CSMD1: variants seen among roughly 807,000 people sequenced by gnomAD.
CSMD1 encodes CUB and Sushi multiple domains 1.
CSMD1 carries 213 observed loss-of-function variants against 417.5 expected under a neutral mutation model. The observed-to-expected ratio is 0.51, with a 90% confidence interval of 0.46 to 0.57. CSMD1 has a LOEUF of 0.57. Among genes scored for constraint, CSMD1 ranks in the 20% least tolerant of loss-of-function variants. The probability of loss-of-function intolerance (pLI) is 0.00; values close to 1 mark genes in which losing one functional copy is unlikely to be tolerated. For missense variants in CSMD1, 6,923 were observed against 4,529.7 expected (o/e 1.53, Z -15.17); for synonymous variants, 2,862 against 1,736.8 (o/e 1.65, Z -16.11).
intron 2 of CSMD1, among the ~76,000 whole-genome samples, chr8:4,613,878 A>G (rs1029767728): frequency 2.6e-4 from 40 of 151,296 alleles, no homozygotes; most frequent in Non-Finnish European, 5.0e-4. Context: ...AAAAAAAAAG[A>G]AAACGTTCCT....
At chr8:4,117,542 A>T (rs1199002194) in intron 3 of CSMD1, among the ~76,000 whole-genome samples, 1 of 152,142 alleles carries the variant, frequency 6.6e-6, no homozygotes, top group Non-Finnish European at 1.5e-5. Context: ...TATAATACTC[A>T]CTGATTGTGA....
At chr8:3,403,586 G>C (rs1161535) in intron 15 of CSMD1, among the ~76,000 whole-genome samples, 142,880 of 152,180 alleles carry the variant, frequency 0.94, 67,088 homozygotes, top group East Asian at 0.96. Flanking sequence ...CACCCTGCAG[G>C]TTGTAACATA....
At chr8:4,217,405 T>C (rs868339994) in intron 3 of CSMD1, among the ~76,000 whole-genome samples, 32 of 152,158 alleles carry the variant, frequency 2.1e-4, no homozygotes, top group Non-Finnish European at 4.6e-4. Flanking sequence ...AACTCTAATA[T>C]AGTTTGACAC....
chr8:4,027,880 C>A (rs1417454056), intron 4 of CSMD1, among the ~76,000 whole-genome samples: 2 of 152,060 alleles, frequency 1.3e-5, no homozygotes. Flanking sequence ...AGAACAAAGA[C>A]ACAGTAACTT....
At chr8:3,344,989 G>T (rs1431625161) in intron 22 of CSMD1, among the ~76,000 whole-genome samples, 2 of 152,316 alleles carry the variant, frequency 1.3e-5, no homozygotes, top group African/African-American at 4.8e-5. Context: ...GACATCCAGA[G>T]ACTAAATGGT....
chr8:4,459,291 G>A (rs994576578), intron 2 of CSMD1, among the ~76,000 whole-genome samples: 1 of 152,206 alleles, frequency 6.6e-6, no homozygotes, highest in African/African-American at 2.4e-5. Flanking sequence ...TTGTGCACCA[G>A]ATGGCATATA....
intron 42 of CSMD1, among the ~76,000 whole-genome samples, chr8:3,116,912 A>G (rs1436750386): frequency 6.6e-6 from 1 of 152,166 alleles, no homozygotes; most frequent in African/African-American, 2.4e-5. Context: ...AAAGATTTAA[A>G]AAATGTTTTA....
intron 1 of CSMD1, among the ~76,000 whole-genome samples, chr8:4,824,821 A>G (rs1467866258): frequency 1.3e-5 from 2 of 152,162 alleles, no homozygotes; most frequent in Non-Finnish European, 2.9e-5. Flanking sequence ...GACCAGGTAT[A>G]TAGCCTATAT....
intron 6 of CSMD1, among the ~76,000 whole-genome samples, chr8:3,720,047 A>G (rs1308846623): frequency 6.6e-6 from 1 of 152,224 alleles, no homozygotes; most frequent in African/African-American, 2.4e-5. Context: ...GTGGTTACAC[A>G]AAGTGCATGG....
At chr8:4,748,780 G>C (rs1002179192) in intron 1 of CSMD1, among the ~76,000 whole-genome samples, 1 of 152,152 alleles carries the variant, frequency 6.6e-6, no homozygotes, top group East Asian at 1.9e-4. Flanking sequence ...TATTGAATAG[G>C]TATTTAGTAG....
chr8:3,781,859 G>A (rs947739665), intron 5 of CSMD1, among the ~76,000 whole-genome samples: 3 of 151,980 alleles, frequency 2.0e-5, no homozygotes, highest in African/African-American at 7.3e-5. Context: ...TTGTTCAATG[G>A]CATTTTCCCG....
intron 5 of CSMD1, among the ~76,000 whole-genome samples, chr8:3,775,245 T>A (rs913360708): frequency 6.6e-6 from 1 of 152,186 alleles, no homozygotes. Flanking sequence ...TAGAAATGAA[T>A]TGTATGTTAA....
intron 3 of CSMD1, among the ~76,000 whole-genome samples, chr8:4,138,845 A>C (rs73176386): frequency 6.6e-6 from 1 of 152,034 alleles, no homozygotes; most frequent in Non-Finnish European, 1.5e-5. Flanking sequence ...TAGAGAATAA[A>C]GTTAATATAT....
intron 2 of CSMD1, among the ~76,000 whole-genome samples, chr8:4,512,945 G>C (rs538204139): frequency 6.6e-6 from 1 of 151,966 alleles, no homozygotes; most frequent in East Asian, 1.9e-4. Flanking sequence ...TAATATTTTC[G>C]AAACAGCAAA....
intron 3 of CSMD1, among the ~76,000 whole-genome samples, chr8:4,231,361 A>G (rs201713453): frequency 7.2e-5 from 11 of 152,156 alleles, no homozygotes; most frequent in Non-Finnish European, 1.5e-5. Flanking sequence ...GCATTGCTGG[A>G]TAATTTTCCT....
chr8:3,393,519 G>C (rs190043295), intron 17 of CSMD1, among the ~76,000 whole-genome samples: 166 of 152,176 alleles, frequency 1.1e-3, no homozygotes, highest in African/African-American at 3.8e-3. Context: ...CTGCATAAAT[G>C]TCTTCTTTTG....
intron 2 of CSMD1, among the ~76,000 whole-genome samples, chr8:4,449,312 C>G (rs1274725349): frequency 1.3e-5 from 2 of 152,156 alleles, no homozygotes. Flanking sequence ...TGAAAAGACT[C>G]AAATGAGCAT....
chr8:3,355,885 G>A (rs182037427), intron 21 of CSMD1, among the ~76,000 whole-genome samples: 33 of 152,240 alleles, frequency 2.2e-4, no homozygotes, highest in Non-Finnish European at 1.8e-4. Flanking sequence ...GCCAACAGGT[G>A]CCAGAAGAGA....
At chr8:3,515,234 T>C (rs1009968204) in intron 10 of CSMD1, 5 of 152,212 alleles carry the variant, frequency 3.3e-5, no homozygotes, top group African/African-American at 1.2e-4. Flanking sequence ...TGACATCCTA[T>C]TTGTCCTTAA....
Sources: gnomAD v4.1 joint callset for allele counts (sites outside exome capture counted in the v4.1 genomes callset) on GRCh38, gnomAD v4.1.1 for gene constraint, MANE v1.5 for transcripts, NCBI Gene and HGNC (gene_info 2026-07-23, HGNC 2026-07-21) for gene names.